NOL4: variants seen among roughly 807,000 people sequenced by gnomAD.
NOL4 encodes the protein cancer/testis antigen 125.
In NOL4, 17 loss-of-function variants were observed where a neutral mutation model predicts 75.9. That is an observed-to-expected ratio of 0.22 (90% CI 0.15 to 0.34). NOL4 has a LOEUF of 0.34. NOL4 is among the 10% of genes least tolerant of loss of function. NOL4 has a pLI of 1.00. For synonymous variants in NOL4, 292 were observed against 289.9 expected, an observed-to-expected ratio of 1.01 and a Z score of -0.07; for missense variants, 614 against 793.5, an observed-to-expected ratio of 0.77 and a Z score of 2.72.
chr18:33,938,314 T>A (rs1017986779), intron 9 of NOL4, among the ~76,000 whole-genome samples: 1 of 152,056 alleles, frequency 6.6e-6, no homozygotes, highest in African/African-American at 2.4e-5. Context: ...GAGTTTAATT[T>A]AAAAAAATTA....
At chr18:34,052,881 A>G (rs115956846) in intron 5 of NOL4, among the ~76,000 whole-genome samples, 1,783 of 152,120 alleles carry the variant, frequency 0.012, 33 homozygotes, top group African/African-American at 0.041. Flanking sequence ...AATGTTCCCA[A>G]TGAGAATAAC....
chr18:33,967,947 G>A (rs1243264480), intron 6 of NOL4, among the ~76,000 whole-genome samples: 7 of 151,892 alleles, frequency 4.6e-5, no homozygotes, highest in East Asian at 1.9e-4. Flanking sequence ...TTAGCCAGGC[G>A]TGGTGGCGGG....
rs189597782 is a variant in NOL4 at position 33,938,467 on chromosome 18, C to T, written c.1542+4598G>A. Among the ~76,000 whole-genome samples, 77 of 152,114 alleles carry T rather than the reference C, an allele frequency of 5.1e-4. No individual in the cohort carries two copies. The East Asian group carries it at 0.01, about 20-fold the overall frequency. Reference sequence around the variant, plus strand: ...TGTTGTTTCCTGACTTTTTAATGATCGCCATTCTAACAGGTGTGAGATGGT... The same window carrying T: ...TGTTGTTTCCTGACTTTTTAATGATTGCCATTCTAACAGGTGTGAGATGGT... On this transcript the variant is annotated intron_variant, in intron 9 of 10. Transcript: ENST00000261592.
Position 33,883,362 on chromosome 18 carries a change from T to C in NOL4, c.1605A>G (p.Thr535=). The change falls in exon 10 of 11, where the codon ACA becomes ACG. Residue 535 remains threonine (T), a synonymous_variant. Coordinates refer to ENST00000261592, the MANE Select transcript of NOL4 (RefSeq NM_003787.5). ...CGTCCTGTGAGCCTGGAACAGCTGATGTTGAGTAAGTGGCCTGGGTCGCCT... is the reference window on the plus strand; with the variant it reads ...CGTCCTGTGAGCCTGGAACAGCTGACGTTGAGTAAGTGGCCTGGGTCGCCT... ...KPEATQATYS[T]SAVPGSQDVL... 1 of 1,613,338 alleles carries C rather than the reference T, an allele frequency of 6.2e-7. No homozygotes were observed. The highest frequency in any genetic ancestry group is 8.5e-7 in the Non-Finnish European group (1 of 1,179,572).
At chr18:33,858,528 T>C (rs151095970) in intron 10 of NOL4, among the ~76,000 whole-genome samples, 368 of 152,106 alleles carry the variant, frequency 2.4e-3, no homozygotes, top group African/African-American at 8.0e-3. Flanking sequence ...TAAATATTTA[T>C]CAATGGGCTA....
At chr18:34,002,442 T>A (rs892137133) in intron 6 of NOL4, among the ~76,000 whole-genome samples, 10 of 152,096 alleles carry the variant, frequency 6.6e-5, no homozygotes, top group African/African-American at 2.4e-4. Flanking sequence ...TGAGATATTA[T>A]ACCTTCTGGA....
At chr18:34,134,648 A>C (rs1317605433) in intron 1 of NOL4, among the ~76,000 whole-genome samples, 6 of 152,166 alleles carry the variant, frequency 3.9e-5, no homozygotes, top group East Asian at 3.9e-4. Flanking sequence ...TTAAAAAAAA[A>C]CTAATAGACA....
chr18:34,167,440 T>C (rs1045150708), intron 1 of NOL4, among the ~76,000 whole-genome samples: 2 of 152,142 alleles, frequency 1.3e-5, no homozygotes, highest in Admixed American at 1.3e-4. Flanking sequence ...CTACTTCTTC[T>C]ACCTGTTTCA....
At chr18:34,031,002 A>G (rs1233006366) in intron 5 of NOL4, among the ~76,000 whole-genome samples, 1 of 152,116 alleles carries the variant, frequency 6.6e-6, no homozygotes, top group Non-Finnish European at 1.5e-5. Flanking sequence ...GAGAGGAGAG[A>G]TGAATGGGTA....
At chr18:34,199,306 T>A (rs1405224049) in intron 1 of NOL4, among the ~76,000 whole-genome samples, 5 of 151,776 alleles carry the variant, frequency 3.3e-5, no homozygotes, top group Non-Finnish European at 7.4e-5. Flanking sequence ...GGACAGCTGT[T>A]AAAGTGCTAG....
At chr18:33,985,615 C>T (rs1269745390) in intron 6 of NOL4, among the ~76,000 whole-genome samples, 1 of 152,122 alleles carries the variant, frequency 6.6e-6, no homozygotes, top group Non-Finnish European at 1.5e-5. Flanking sequence ...AAAAGACCCT[C>T]ATGTCTTGTC....
At chr18:33,961,677 A>C (rs2070138322) in intron 6 of NOL4, among the ~76,000 whole-genome samples, 1 of 152,064 alleles carries the variant, frequency 6.6e-6, no homozygotes, top group African/African-American at 2.4e-5. Context: ...AGTTAATTTA[A>C]CTTGATGAGA....
At chr18:34,003,875 G>C (rs541772751) in intron 6 of NOL4, among the ~76,000 whole-genome samples, 6 of 152,042 alleles carry the variant, frequency 3.9e-5, no homozygotes, top group Non-Finnish European at 8.8e-5. Flanking sequence ...GGAAGTGGGG[G>C]GTCAGACGTG....
At chr18:34,147,155 C>T (rs2081433909) in intron 1 of NOL4, among the ~76,000 whole-genome samples, 1 of 152,024 alleles carries the variant, frequency 6.6e-6, no homozygotes, top group Admixed American at 6.6e-5. Flanking sequence ...ACAATCATGT[C>T]ATCTGCAAAC....
At chr18:34,087,082 T>C (rs996472469) in intron 5 of NOL4, among the ~76,000 whole-genome samples, 2 of 152,050 alleles carry the variant, frequency 1.3e-5, no homozygotes, top group Non-Finnish European at 2.9e-5. Context: ...AACAGCTAGG[T>C]AGAATAGTAA....
chr18:33,904,795 T>C (rs2065940559), intron 9 of NOL4, among the ~76,000 whole-genome samples: 1 of 152,172 alleles, frequency 6.6e-6, no homozygotes, highest in African/African-American at 2.4e-5. Context: ...CTGACTTTCT[T>C]ATTGATGCAG....
chr18:34,190,683 A>C (rs1261174939), intron 1 of NOL4, among the ~76,000 whole-genome samples: 1 of 151,616 alleles, frequency 6.6e-6, no homozygotes, highest in Non-Finnish European at 1.5e-5. Flanking sequence ...AAAACAGCAA[A>C]TGAAATGTTA....
chr18:34,019,687 A>T (rs2074927901), intron 5 of NOL4, 86 bp from the exon 6 acceptor site: 2 of 1,178,564 alleles, frequency 1.7e-6, no homozygotes, highest in East Asian at 4.9e-5. Flanking sequence ...AGCTCCCATT[A>T]TATGAATGGC....
intron 5 of NOL4, among the ~76,000 whole-genome samples, chr18:34,066,351 C>T (rs1417389022): frequency 6.6e-6 from 1 of 151,834 alleles, no homozygotes; most frequent in Non-Finnish European, 1.5e-5. Context: ...TTCTTATGTC[C>T]ATTCTTAAAT....
Sources: allele counts gnomAD v4.1 joint callset (sites outside exome capture counted in the v4.1 genomes callset), GRCh38; gene constraint gnomAD v4.1.1; transcripts MANE v1.5; gene names NCBI Gene and HGNC (gene_info 2026-07-23, HGNC 2026-07-21).